Variants in TDRD9 observed in about 807,000 individuals in gnomAD.
The protein encoded by TDRD9 is tudor domain containing 9.
In TDRD9, 124 loss-of-function variants were observed where a neutral mutation model predicts 172.6. The observed-to-expected ratio is 0.72, with a 90% CI of 0.62 to 0.83. The LOEUF is 0.83. Ranked by LOEUF, TDRD9 falls within the 40% of genes least tolerant of loss-of-function variation. The pLI, the probability that TDRD9 is intolerant of heterozygous loss-of-function variation, is 0.00. For missense variants in TDRD9, 1,479 were observed against 1,714.1 expected, an observed-to-expected ratio of 0.86 and a Z score of 2.42; for synonymous variants, 619 against 617.1, an observed-to-expected ratio of 1.00 and a Z score of -0.05.
At chr14:103,965,026 G>A (rs576263590) in intron 3 of TDRD9, among the ~76,000 whole-genome samples, 2 of 152,040 alleles carry the variant, frequency 1.3e-5, no homozygotes. Context: ...TGGCCAACAC[G>A]GTGAAAGAAA....
intron 2 of TDRD9, 41 bp downstream of exon 2, chr14:103,955,811 G>GAACCACTCA: frequency 2.0e-6 from 3 of 1,482,236 alleles, no homozygotes; most frequent in Non-Finnish European, 2.8e-6. Flanking sequence ...GGATGCATGA[G>GAACCACTCA]TGGTTCACAT....
At chr14:104,026,334 CA>C (rs1047004038) in intron 27 of TDRD9, among the ~76,000 whole-genome samples, 198 bp downstream of exon 27, 4 of 152,070 alleles carry the variant, frequency 2.6e-5, no homozygotes, top group African/African-American at 7.2e-5. Context: ...TCAGATTTAG[CA>C]AAAAAAGTTG....
At chr14:103,956,026 C>G (rs1446296953) in intron 2 of TDRD9, among the ~76,000 whole-genome samples, 1 of 129,702 alleles carries the variant, frequency 7.7e-6, no homozygotes, top group Non-Finnish European at 1.5e-5. Flanking sequence ...GAGAGGGTCA[C>G]TTGAGGCTAG....
chr14:104,025,882 A>G lies in TDRD9; in HGVS notation c.2931+106A>G, dbSNP rs535220865. On this transcript the variant is annotated intron_variant, in intron 26 of 35. Coordinates refer to ENST00000409874, the MANE Select transcript of TDRD9 (RefSeq NM_153046.3). ...TGTAGGTGGAAATTAAAATAATTGC[A>G]GTTAGCAAAGTAGTCTGTTTCCCTC... 801 of 1,077,152 alleles carry G rather than the reference A, an allele frequency of 7.4e-4. 5 individuals are homozygous for G. The highest frequency in any genetic ancestry group is 2.7e-3 in the South Asian group (184 of 67,782). 66.7% of individuals were successfully genotyped at this position (1,077,152 alleles called of 1,614,324 possible). A position where few individuals can be genotyped will look rare whatever the true frequency, so the allele number is the denominator to read the frequency against.
At chr14:103,956,462 C>G (rs548971882) in intron 2 of TDRD9, among the ~76,000 whole-genome samples, 1 of 151,590 alleles carries the variant, frequency 6.6e-6, no homozygotes, top group East Asian at 2.0e-4. Flanking sequence ...TTATTAGAAG[C>G]CTTTAAGAAA....
At chr14:104,050,329 A>G (rs1167501243) in intron 35 of TDRD9, among the ~76,000 whole-genome samples, 1 of 152,104 alleles carries the variant, frequency 6.6e-6, no homozygotes, top group Non-Finnish European at 1.5e-5. Flanking sequence ...CCATCTCCAA[A>G]TAACATCACA....
At chr14:103,985,525 A>G (rs1001962425) in intron 7 of TDRD9, among the ~76,000 whole-genome samples, 37 of 152,172 alleles carry the variant, frequency 2.4e-4, no homozygotes, top group African/African-American at 8.0e-4. Flanking sequence ...TATCAGCAGC[A>G]TGAAGATGGA....
intron 1 of TDRD9, among the ~76,000 whole-genome samples, chr14:103,930,767 C>T (rs2030335448): frequency 6.6e-6 from 1 of 152,114 alleles, no homozygotes; most frequent in African/African-American, 2.4e-5. Context: ...ATCACTTACT[C>T]CTTAGTTTTA....
At chr14:103,971,230 G>A (rs893363946) in intron 6 of TDRD9, among the ~76,000 whole-genome samples, 7 of 151,934 alleles carry the variant, frequency 4.6e-5, no homozygotes, top group South Asian at 2.1e-4. Context: ...TGATCCGCCC[G>A]CCTTGGCCTC....
intron 1 of TDRD9, among the ~76,000 whole-genome samples, chr14:103,930,013 C>T (rs115112125): frequency 0.016 from 2,463 of 152,292 alleles, 68 homozygotes; most frequent in African/African-American, 0.056. Flanking sequence ...AGTATATCCT[C>T]TGTTTTTAGA....
chr14:104,038,087 C>T (rs2035504353), intron 32 of TDRD9, among the ~76,000 whole-genome samples: 1 of 152,122 alleles, frequency 6.6e-6, no homozygotes, highest in South Asian at 2.1e-4. Context: ...GTTCTTGGAG[C>T]CAGGTTTTGC....
Position 103,980,510 on chromosome 14 carries a change from C to T in TDRD9, c.1011+4957C>T, listed in dbSNP as rs2152178146. ...TAACTTGCCACTGCTATCTAAAAGG[C>T]AGAGCCAGGTGTACAGGATGGAACA... On this transcript the variant is annotated intron_variant, in intron 7 of 35. Transcript: ENST00000409874. The surrounding 1 kb of genome is among the most constrained non-coding windows in gnomAD (Gnocchi z 4.5). 6.6e-6 allele frequency among the ~76,000 whole-genome samples: 1 copy of T among 152,278 alleles called. No individual in the cohort carries two copies. The highest frequency in any genetic ancestry group is 2.1e-4 in the South Asian group (1 of 4,830).
At chr14:103,954,411 G>A (rs1396318090) in intron 1 of TDRD9, among the ~76,000 whole-genome samples, 1 of 152,110 alleles carries the variant, frequency 6.6e-6, no homozygotes. Context: ...GTTTCATGTG[G>A]GCAAGGACTT....
At chr14:104,006,594 A>G (rs372478924) in intron 16 of TDRD9, 40 bp downstream of exon 16, 13 of 1,612,004 alleles carry the variant, frequency 8.1e-6, no homozygotes, top group Admixed American at 3.3e-5. Context: ...GGAAGTTTAT[A>G]TAACACCACT....
intron 7 of TDRD9, among the ~76,000 whole-genome samples, chr14:103,979,474 A>G (rs538835989): frequency 6.6e-6 from 1 of 152,296 alleles, no homozygotes; most frequent in South Asian, 2.1e-4. Flanking sequence ...TCACATGGTG[A>G]GACTGGAAGA....
intron 2 of TDRD9, among the ~76,000 whole-genome samples, chr14:103,957,762 C>T (rs2032315215): frequency 6.6e-6 from 1 of 152,154 alleles, no homozygotes; most frequent in South Asian, 2.1e-4. Flanking sequence ...CACTCACGTA[C>T]TGGCCCAGGG....
chr14:103,952,801 C>T (rs995203419), intron 1 of TDRD9, among the ~76,000 whole-genome samples: 6 of 122,344 alleles, frequency 4.9e-5, no homozygotes, highest in African/African-American at 9.4e-5. Flanking sequence ...TGCAGTGGTG[C>T]GATCTTGGTG....
chr14:103,991,024 AT>A, intron 8 of TDRD9, 135 bp from the exon 9 acceptor site: 3 of 1,006,800 alleles, frequency 3.0e-6, no homozygotes, highest in Non-Finnish European at 4.3e-6. Context: ...GTGTTTTCTT[AT>A]GTAAAATAAG....
chr14:103,929,644 C>G (rs374137674), intron 1 of TDRD9, among the ~76,000 whole-genome samples: 1 of 152,028 alleles, frequency 6.6e-6, no homozygotes. Flanking sequence ...CTCAGCCTCC[C>G]GAGTAGCTGA....
Sources: allele counts gnomAD v4.1 joint callset (sites outside exome capture counted in the v4.1 genomes callset), GRCh38; gene constraint gnomAD v4.1.1; non-coding constraint Gnocchi (gnomAD v3.1); transcripts MANE v1.5; gene names NCBI Gene and HGNC (gene_info 2026-07-23, HGNC 2026-07-21).